The following RNF13 variants were observed in gnomAD, a reference collection of about 807,000 sequenced individuals.
RNF13 encodes the protein E3 ubiquitin-protein ligase RNF13.
In RNF13, 19 loss-of-function variants were observed where a neutral mutation model predicts 37.7. The observed-to-expected ratio is 0.50, with a 90% CI of 0.35 to 0.74. RNF13 has a LOEUF of 0.74. Ranked by LOEUF, RNF13 falls within the 30% of genes least tolerant of loss-of-function variation. The probability of loss-of-function intolerance (pLI) is 0.01; values close to 1 mark genes in which losing one functional copy is unlikely to be tolerated. For missense variants in RNF13, 375 were observed against 453.0 expected (o/e 0.83, Z 1.56); for synonymous variants, 144 against 157.8 (o/e 0.91, Z 0.65).
chr3:149,914,310 G>GT (rs922043177), intron 7 of RNF13, among the ~76,000 whole-genome samples: 21 of 151,564 alleles, frequency 1.4e-4, no homozygotes, highest in South Asian at 4.2e-4. Context: ...AGGGAGTCAT[G>GT]TTTTTTTTAA....
rs141012156 is a variant in RNF13 at position 149,819,172 on chromosome 3, A to G, written c.-17+5819A>G. Among the ~76,000 whole-genome samples the G allele has an allele frequency of 2.4e-3, 360 of 152,320 alleles. 1 individual carries two copies. The highest frequency in any genetic ancestry group is 8.3e-3 in the African/African-American group (347 of 41,570). On this transcript the variant is annotated intron_variant, in intron 1 of 9. Transcript: ENST00000392894. ...TTCTTGTAAAATATCTCTTGCACTA[A>G]TGTTTCACTTCACTAACGTAGATAA...
chr3:149,937,518 T>C (rs1719821676), intron 8 of RNF13, among the ~76,000 whole-genome samples: 1 of 152,226 alleles, frequency 6.6e-6, no homozygotes, highest in Admixed American at 6.5e-5. Flanking sequence ...TGTCACTGTA[T>C]AGTTGTTTTT....
chr3:149,932,703 A>G (rs1365930504), intron 8 of RNF13, among the ~76,000 whole-genome samples: 1 of 152,196 alleles, frequency 6.6e-6, no homozygotes, highest in Non-Finnish European at 1.5e-5. Flanking sequence ...TGGGCTCCCA[A>G]TGCCTTGGGA....
intron 4 of RNF13, 105 bp from the exon 5 acceptor site, chr3:149,895,368 A>G (rs1462705533): frequency 3.0e-6 from 2 of 675,164 alleles, no homozygotes; most frequent in Admixed American, 5.7e-5. Context: ...TTTAGCTTGT[A>G]TCCTCATCTT....
intron 1 of RNF13, among the ~76,000 whole-genome samples, chr3:149,829,104 A>G (rs1158509114): frequency 1.3e-5 from 2 of 152,038 alleles, no homozygotes; most frequent in African/African-American, 4.8e-5. Context: ...TATTTTGGAA[A>G]AACCTATTTC....
chr3:149,868,416 T>A (rs962135343), intron 3 of RNF13, among the ~76,000 whole-genome samples: 1 of 151,860 alleles, frequency 6.6e-6, no homozygotes, highest in Non-Finnish European at 1.5e-5. Context: ...CTCTCTCAAC[T>A]TTTGTTTATC....
chr3:149,898,848 G>T (rs569583691), intron 5 of RNF13, among the ~76,000 whole-genome samples: 1 of 152,262 alleles, frequency 6.6e-6, no homozygotes, highest in South Asian at 2.1e-4. Flanking sequence ...GAGATGAAAG[G>T]AAGGCAGCTA....
chr3:149,845,697 CT>C (rs1722579801), intron 1 of RNF13: 2 of 178,202 alleles, frequency 1.1e-5, no homozygotes, highest in Admixed American at 6.2e-5. Context: ...TGGTTGAAAT[CT>C]AGTTTCTCTG....
intron 8 of RNF13, among the ~76,000 whole-genome samples, chr3:149,956,585 G>C (rs1189852437): frequency 6.6e-6 from 1 of 152,180 alleles, no homozygotes; most frequent in African/African-American, 2.4e-5. Context: ...GTTCTGTCCA[G>C]CTACATGTTT....
At chr3:149,859,654 A>G (rs2108409540) in intron 3 of RNF13, among the ~76,000 whole-genome samples, 1 of 152,200 alleles carries the variant, frequency 6.6e-6, no homozygotes, top group Admixed American at 6.5e-5. Flanking sequence ...CAATATAGCT[A>G]ATTTTTTATT....
At chr3:149,888,546 A>G (rs1253898629) in intron 4 of RNF13, among the ~76,000 whole-genome samples, 1 of 152,192 alleles carries the variant, frequency 6.6e-6, no homozygotes, top group Non-Finnish European at 1.5e-5. Flanking sequence ...AAACATTACA[A>G]ATTACTCTTC....
intron 4 of RNF13, among the ~76,000 whole-genome samples, chr3:149,887,226 CA>C (rs1714147491): frequency 1.3e-5 from 2 of 152,284 alleles, no homozygotes; most frequent in South Asian, 4.1e-4. Context: ...CCCTGTCACA[CA>C]GTTCAACAAT....
intron 8 of RNF13, among the ~76,000 whole-genome samples, chr3:149,953,105 A>G (rs1721498317): frequency 6.6e-6 from 1 of 151,236 alleles, no homozygotes; most frequent in South Asian, 2.1e-4. Context: ...TACTATAGGG[A>G]AAAGTTGGAT....
At chr3:149,946,262 T>C (rs1164878421) in intron 8 of RNF13, among the ~76,000 whole-genome samples, 1 of 152,214 alleles carries the variant, frequency 6.6e-6, no homozygotes, top group Non-Finnish European at 1.5e-5. Context: ...GAGAACTACA[T>C]GACAGATGCA....
At chr3:149,928,951 TTTCTAAATTTC>T (rs1160406202) in intron 8 of RNF13, among the ~76,000 whole-genome samples, 3 of 152,226 alleles carry the variant, frequency 2.0e-5, no homozygotes, top group Non-Finnish European at 4.4e-5. Flanking sequence ...ATAGAATTCC[TTTCTAAATTTC>T]TTTTATGGAT....
intron 1 of RNF13, 48 bp from the exon 2 acceptor site, chr3:149,845,963 C>A: frequency 1.0e-6 from 1 of 998,712 alleles, no homozygotes; most frequent in Non-Finnish European, 1.6e-6. Flanking sequence ...TGATCTATTC[C>A]CTGGGACAAA....
At chr3:149,952,756 C>T (rs886942497) in intron 8 of RNF13, among the ~76,000 whole-genome samples, 11 of 152,080 alleles carry the variant, frequency 7.2e-5, no homozygotes, top group Admixed American at 2.0e-4. Flanking sequence ...TGCGTTACAA[C>T]GCCCAGCTAA....
At chr3:149,940,820 T>C (rs1290093403) in intron 8 of RNF13, among the ~76,000 whole-genome samples, 5 of 152,158 alleles carry the variant, frequency 3.3e-5, no homozygotes, top group Non-Finnish European at 7.4e-5. Context: ...ACACTAAGAC[T>C]CTGTACCCAC....
At chr3:149,959,983 G>A in intron 8 of RNF13, 73 bp from the exon 9 acceptor site, 2 of 919,950 alleles carry the variant, frequency 2.2e-6, no homozygotes, top group Non-Finnish European at 1.8e-6. Context: ...TACATCAAAA[G>A]GCAGTAACTG....
Sources: gnomAD v4.1 joint callset for allele counts (sites outside exome capture counted in the v4.1 genomes callset) on GRCh38, gnomAD v4.1.1 for gene constraint, MANE v1.5 for transcripts, NCBI Gene and HGNC (gene_info 2026-07-23, HGNC 2026-07-21) for gene names.